The following DLG1 variants were observed in gnomAD, a reference collection of about 807,000 sequenced individuals.
DLG1 encodes the protein discs large MAGUK scaffold protein 1.
In DLG1, 42 loss-of-function variants were observed where a neutral mutation model predicts 123.4. That is an observed-to-expected ratio of 0.34 (90% CI 0.27 to 0.44). DLG1 has a LOEUF of 0.44. Ranked by LOEUF, DLG1 falls within the 20% of genes least tolerant of loss-of-function variation. The pLI is 1.00. For synonymous variants in DLG1, 317 were observed against 356.2 expected (o/e 0.89, Z 1.24); for missense variants, 942 against 1,082.6 (o/e 0.87, Z 1.82).
chr3:197,111,561 T>C (rs1031449446), intron 13 of DLG1, among the ~76,000 whole-genome samples: 1 of 152,230 alleles, frequency 6.6e-6, no homozygotes, highest in African/African-American at 2.4e-5. Context: ...TACAGTATAT[T>C]TTACAATGAA....
Position 197,070,079 on chromosome 3 carries a change from T to C in DLG1, c.2006-819A>G, listed in dbSNP as rs567763949. 2.6e-5 allele frequency: 4 copies of C among 152,314 alleles called. No homozygotes were observed. The East Asian group carries it at 7.7e-4, about 29-fold the overall frequency. 9.4% of individuals were successfully genotyped at this position (152,314 alleles called of 1,614,324 possible). On this transcript the variant is annotated intron_variant, in intron 18 of 24. Coordinates refer to ENST00000667157, the MANE Select transcript of DLG1 (RefSeq NM_001366207.1). ...GACTCCATTTCACGACTTTATTGTT[T>C]GGTAAAACCATAGGCACTCTTCTCA...
intron 17 of DLG1, among the ~76,000 whole-genome samples, chr3:197,078,145 C>CAA (rs34391299): frequency 7.5e-5 from 9 of 119,658 alleles, no homozygotes; most frequent in African/African-American, 2.6e-4. Flanking sequence ...AACCCCATCT[C>CAA]AAAAAAAAAA....
intron 4 of DLG1, among the ~76,000 whole-genome samples, chr3:197,261,314 C>T (rs143520411): frequency 7.9e-5 from 12 of 152,310 alleles, no homozygotes; most frequent in South Asian, 4.1e-4. Context: ...TGGTGGCCTG[C>T]GCCTGTAGTC....
chr3:197,137,418 G>C (rs1785571004), intron 9 of DLG1, among the ~76,000 whole-genome samples: 1 of 152,160 alleles, frequency 6.6e-6, no homozygotes, highest in Non-Finnish European at 1.5e-5. Context: ...ATTATCACAA[G>C]TTAATAGCAA....
At chr3:197,195,052 T>TCA (rs1156511972) in intron 4 of DLG1, among the ~76,000 whole-genome samples, 1 of 149,550 alleles carries the variant, frequency 6.7e-6, no homozygotes, top group African/African-American at 2.4e-5. Flanking sequence ...TCTCTCTCTC[T>TCA]CTCACACACA....
intron 24 of DLG1, among the ~76,000 whole-genome samples, chr3:197,049,701 A>C (rs1177248589): frequency 3.3e-5 from 5 of 152,128 alleles, no homozygotes; most frequent in Admixed American, 2.0e-4. Context: ...AGCTGAGATC[A>C]TGCCATTGCA....
chr3:197,090,908 T>G lies in DLG1; in HGVS notation c.1661+4A>C, dbSNP rs1163532935. The stretch of plus-strand genomic sequence containing the variant: ...TTGCCATAATTAGAAGTAAAAAAAT[T>G]TACCTGACATAGAGGGATCGCTTCT... On this transcript the variant is annotated splice_donor_region_variant and intron_variant, in intron 15 of 24. Coordinates refer to ENST00000667157, the MANE Select transcript of DLG1 (RefSeq NM_001366207.1). 1 of 1,554,400 alleles carries G rather than the reference T, an allele frequency of 6.4e-7. No homozygotes were observed. Among genetic ancestry groups the G allele is most frequent in the East Asian group, 2.3e-5 (1 of 44,410 alleles).
Position 197,042,631 on chromosome 3 carries a change from CAT to C in DLG1, c.*1990_*1991del, listed in dbSNP as rs1345964581. 1 of 152,160 alleles carries C rather than the reference CAT, an allele frequency of 6.6e-6. No individual in the cohort carries two copies. Among genetic ancestry groups the C allele is most frequent in the Non-Finnish European group, 1.5e-5 (1 of 68,030 alleles). 9.4% of individuals were successfully genotyped at this position (152,160 alleles called of 1,614,324 possible). A position where few individuals can be genotyped will look rare whatever the true frequency, so the allele number is the denominator to read the frequency against. Reference sequence around the variant, plus strand: ...TTTATAACCACTTGATATTTTACAACATGTGACTATTTGGTAAATACTTCAAA... The same window carrying C: ...TTTATAACCACTTGATATTTTACAACGTGACTATTTGGTAAATACTTCAAA... On this transcript the variant is annotated 3_prime_UTR_variant, in exon 25 of 25. Transcript: ENST00000667157.
At position 197,043,589 on chromosome 3, in the gene DLG1, T is replaced by G. The variant is rs1364577108; in HGVS notation, c.*1034A>C. The G allele has an allele frequency of 1.3e-5, 2 of 151,358 alleles. No individual in the cohort carries two copies. Among genetic ancestry groups the G allele is most frequent in the African/African-American group, 4.8e-5 (2 of 41,272 alleles). 9.4% of individuals were successfully genotyped at this position (151,358 alleles called of 1,614,324 possible). ...ATATATTTTAAATATATATATATGT[T>G]TGTGTGTGTGCGCAACTATGTAAAG... is the stretch of plus-strand genomic sequence containing the variant. On this transcript the variant is annotated 3_prime_UTR_variant, in exon 25 of 25. Transcript: ENST00000667157.
chr3:197,182,248 T>C (rs956723966), intron 5 of DLG1, among the ~76,000 whole-genome samples: 6 of 152,204 alleles, frequency 3.9e-5, no homozygotes, highest in Non-Finnish European at 8.8e-5. Context: ...CCTTTCGTGA[T>C]ATATGTAATT....
At chr3:197,192,334 T>C (rs1291097022) in intron 5 of DLG1, among the ~76,000 whole-genome samples, 12 of 152,092 alleles carry the variant, frequency 7.9e-5, no homozygotes. Context: ...GTGGGATACA[T>C]TTAAAAATGC....
At chr3:197,047,449 C>T (rs1724111479) in intron 24 of DLG1, among the ~76,000 whole-genome samples, 1 of 152,068 alleles carries the variant, frequency 6.6e-6, no homozygotes, top group African/African-American at 2.4e-5. Context: ...AACCATGACC[C>T]TTACTGATAC....
intron 4 of DLG1, among the ~76,000 whole-genome samples, chr3:197,200,064 G>A (rs547094018): frequency 2.1e-3 from 312 of 152,082 alleles, no homozygotes; most frequent in Non-Finnish European, 3.6e-3. Flanking sequence ...CTTACATATA[G>A]GAATGTGACT....
chr3:197,217,423 G>A (rs567289228), intron 4 of DLG1, among the ~76,000 whole-genome samples: 26 of 152,088 alleles, frequency 1.7e-4, no homozygotes, highest in Non-Finnish European at 3.8e-4. Flanking sequence ...TTGATTTCAA[G>A]TGAAAAAACA....
chr3:197,131,914 A>ATTTTCT (rs200583971), intron 10 of DLG1, among the ~76,000 whole-genome samples: 3 of 151,476 alleles, frequency 2.0e-5, no homozygotes, highest in South Asian at 2.1e-4. Context: ...TTCTAATCTG[A>ATTTTCT]TTTTCTTTTT....
chr3:197,103,029 C>T (rs910556881), intron 14 of DLG1, among the ~76,000 whole-genome samples: 2 of 152,202 alleles, frequency 1.3e-5, no homozygotes, highest in Non-Finnish European at 2.9e-5. Flanking sequence ...TATCCAAATA[C>T]GGGTCCTCTG....
intron 4 of DLG1, among the ~76,000 whole-genome samples, chr3:197,247,660 A>G (rs1022984532): frequency 6.6e-6 from 1 of 152,120 alleles, no homozygotes; most frequent in African/African-American, 2.4e-5. Flanking sequence ...ATGAAACAAC[A>G]ATATTTTATC....
chr3:197,117,836 G>A (rs901078329), intron 12 of DLG1, among the ~76,000 whole-genome samples: 2 of 151,962 alleles, frequency 1.3e-5, no homozygotes, highest in African/African-American at 2.4e-5. Flanking sequence ...TATATATTTC[G>A]CTACAATTTT....
intron 1 of DLG1, chr3:197,297,510 C>T: frequency 8.2e-7 from 1 of 1,216,408 alleles, no homozygotes; most frequent in Non-Finnish European, 1.0e-6. Context: ...CCTGAGGCCG[C>T]CTCTTCCCCC....
Sources: gnomAD v4.1 joint callset for allele counts (sites outside exome capture counted in the v4.1 genomes callset) on GRCh38, gnomAD v4.1.1 for gene constraint, MANE v1.5 for transcripts, NCBI Gene and HGNC (gene_info 2026-07-23, HGNC 2026-07-21) for gene names.